The following SCP2 variants were observed in gnomAD, a reference collection of about 807,000 sequenced individuals.
The protein encoded by SCP2 is sterol carrier protein 2.
Under a neutral mutation model 71.4 loss-of-function variants are expected in SCP2, and 48 were observed. The ratio of observed to expected loss-of-function variants is 0.67; its 90% CI spans 0.53 to 0.86. The LOEUF (loss-of-function observed/expected upper bound fraction) is 0.86. SCP2 is among the 40% of genes least tolerant of loss of function. The probability of loss-of-function intolerance (pLI) is 0.00; values close to 1 mark genes in which losing one functional copy is unlikely to be tolerated. For missense variants in SCP2, 560 were observed against 655.6 expected (o/e 0.85, Z 1.59); for synonymous variants, 220 against 218.1 (o/e 1.01, Z -0.08).
chr1:53,033,785 C>T (rs1484666843), intron 13 of SCP2, among the ~76,000 whole-genome samples: 1 of 152,018 alleles, frequency 6.6e-6, no homozygotes, highest in Admixed American at 6.6e-5. Flanking sequence ...CCTTATGACC[C>T]AGCAATTACA....
chr1:52,993,472 T>G, intron 11 of SCP2: 1 of 1,613,854 alleles, frequency 6.2e-7, no homozygotes, highest in Non-Finnish European at 8.5e-7. Flanking sequence ...GATCCTTTAC[T>G]CTGAGAATCT....
intron 10 of SCP2, among the ~76,000 whole-genome samples, chr1:52,986,055 T>C (rs769924227): frequency 9.4e-5 from 12 of 127,528 alleles, no homozygotes; most frequent in Middle Eastern, 3.6e-3. Flanking sequence ...GGATTTTCGT[T>C]TGGTTCACTA....
chr1:52,985,524 C>T (rs1332696991), intron 10 of SCP2, among the ~76,000 whole-genome samples: 1 of 152,200 alleles, frequency 6.6e-6, no homozygotes. Context: ...TTGTTGGAGT[C>T]TTATGGCTGG....
chr1:52,975,169 T>C (rs1433322503), intron 7 of SCP2, among the ~76,000 whole-genome samples: 1 of 151,774 alleles, frequency 6.6e-6, no homozygotes, highest in Non-Finnish European at 1.5e-5. Context: ...GGAGCCACCA[T>C]GCCCGGCTAA....
chr1:52,928,036 A>G (rs1652676249), intron 1 of SCP2, among the ~76,000 whole-genome samples: 1 of 152,170 alleles, frequency 6.6e-6, no homozygotes, highest in South Asian at 2.1e-4. Flanking sequence ...CCCCGGACGC[A>G]GTTGTCTGAT....
intron 5 of SCP2, among the ~76,000 whole-genome samples, chr1:52,961,066 C>CTTT (rs774047289): frequency 3.3e-5 from 3 of 92,182 alleles, no homozygotes; most frequent in East Asian, 6.2e-4. Flanking sequence ...TCCTTTGGTT[C>CTTT]TTTTTTTTTT....
intron 6 of SCP2, among the ~76,000 whole-genome samples, chr1:52,967,489 A>G (rs1052702963): frequency 3.9e-5 from 6 of 152,156 alleles, no homozygotes; most frequent in Non-Finnish European, 5.9e-5. Flanking sequence ...TTCTATTTCA[A>G]TGATATTCTC....
chr1:52,976,118 C>T (rs1244971363), intron 7 of SCP2, among the ~76,000 whole-genome samples: 1 of 152,150 alleles, frequency 6.6e-6, no homozygotes, highest in Admixed American at 6.5e-5. Context: ...GCTTTCTTGC[C>T]TTTTCCCTAT....
At chr1:52,956,766 A>AT (rs1345925305) in intron 5 of SCP2, among the ~76,000 whole-genome samples, 2 of 152,222 alleles carry the variant, frequency 1.3e-5, no homozygotes, top group East Asian at 3.9e-4. Context: ...AAAAATATGT[A>AT]TTTTTTTCAG....
chr1:53,023,699 C>G (rs1342802970), intron 12 of SCP2, among the ~76,000 whole-genome samples: 1 of 152,078 alleles, frequency 6.6e-6, no homozygotes, highest in African/African-American at 2.4e-5. Flanking sequence ...ACCCAGGGAG[C>G]AGCAGTGGCA....
intron 11 of SCP2, among the ~76,000 whole-genome samples, chr1:53,010,326 C>G (rs1357222965): frequency 6.6e-6 from 1 of 152,180 alleles, no homozygotes; most frequent in Middle Eastern, 3.2e-3. Context: ...GACACATGCA[C>G]ACGTATGTTT....
chr1:53,006,816 A>T (rs1660667636), intron 11 of SCP2, among the ~76,000 whole-genome samples: 1 of 151,532 alleles, frequency 6.6e-6, no homozygotes, highest in African/African-American at 2.4e-5. Context: ...AAATGCTCCA[A>T]TTAAAAGACA....
At chr1:53,003,851 C>T (rs1016308872) in intron 11 of SCP2, among the ~76,000 whole-genome samples, 1 of 152,110 alleles carries the variant, frequency 6.6e-6, no homozygotes, top group African/African-American at 2.4e-5. Flanking sequence ...CACAATTTCA[C>T]GGATAGAAAA....
intron 11 of SCP2, among the ~76,000 whole-genome samples, chr1:52,996,932 G>T (rs146547136): frequency 1.3e-5 from 2 of 151,890 alleles, no homozygotes; most frequent in African/African-American, 4.8e-5. Flanking sequence ...CTTACACTTG[G>T]TTTTGTTCTA....
At chr1:52,987,006 A>ATATATATTTTTTTTT (rs1386745740) in intron 10 of SCP2, among the ~76,000 whole-genome samples, 62 of 110,460 alleles carry the variant, frequency 5.6e-4, no homozygotes, top group African/African-American at 2.4e-3. Context: ...ATATATATAT[A>ATATATATTTTTTTTT]TTTTTTTTTT....
chr1:53,021,191 TAGA>T (rs1661695300), intron 12 of SCP2, among the ~76,000 whole-genome samples: 2 of 152,110 alleles, frequency 1.3e-5, no homozygotes, highest in South Asian at 4.2e-4. Context: ...ATTTTTTTTG[TAGA>T]GGTAGGGTTT....
At chr1:53,048,891 A>AT (rs1664018614) in intron 15 of SCP2, 1 of 151,822 alleles carries the variant, frequency 6.6e-6, no homozygotes, top group African/African-American at 2.4e-5. Context: ...ATGTAACTTA[A>AT]TTTTTTCTGT....
chr1:53,009,545 A>C (rs962021667), intron 11 of SCP2, among the ~76,000 whole-genome samples: 1 of 152,248 alleles, frequency 6.6e-6, no homozygotes, highest in African/African-American at 2.4e-5. Flanking sequence ...CCTATTTAGT[A>C]AACGGTGCTG....
chr1:53,020,253 G>C (rs957177148), intron 12 of SCP2, among the ~76,000 whole-genome samples: 24 of 149,620 alleles, frequency 1.6e-4, no homozygotes, highest in African/African-American at 6.0e-4. Flanking sequence ...TACTGGCTTT[G>C]AGCATATTAA....
Sources: allele counts gnomAD v4.1 joint callset (sites outside exome capture counted in the v4.1 genomes callset), GRCh38; gene constraint gnomAD v4.1.1; transcripts MANE v1.5; gene names NCBI Gene and HGNC (gene_info 2026-07-23, HGNC 2026-07-21).